Variants in TMEM182 observed in about 807,000 individuals in gnomAD.
The protein encoded by TMEM182 is transmembrane protein 182.
Under a neutral mutation model 26.8 loss-of-function variants are expected in TMEM182, and 20 were observed. The ratio of observed to expected loss-of-function variants is 0.75; its 90% confidence interval spans 0.53 to 1.09. The LOEUF is 1.09. TMEM182 is among the 50% of genes least tolerant of loss of function. The probability of loss-of-function intolerance (pLI) is 0.00; values close to 1 mark genes in which losing one functional copy is unlikely to be tolerated. For missense variants in TMEM182, 277 were observed against 275.5 expected, an observed-to-expected ratio of 1.01 and a Z score of -0.04; for synonymous variants, 109 against 102.2, an observed-to-expected ratio of 1.07 and a Z score of -0.40.
chr2:102,822,801 G>T (rs1402775675), intron 3 of TMEM182, among the ~76,000 whole-genome samples: 5 of 152,154 alleles, frequency 3.3e-5, no homozygotes, highest in East Asian at 3.9e-4. Context: ...GCCAGCGTAT[G>T]TGTGGAGGGA....
intron 1 of TMEM182, among the ~76,000 whole-genome samples, chr2:102,743,239 AT>A (rs1373251935): frequency 2.6e-5 from 4 of 152,220 alleles, no homozygotes; most frequent in Non-Finnish European, 2.9e-5. Context: ...TTGTAAATGT[AT>A]ATCGCAAACT....
chr2:102,812,908 G>A (rs892262547), intron 4 of TMEM182, among the ~76,000 whole-genome samples: 1 of 152,200 alleles, frequency 6.6e-6, no homozygotes, highest in African/African-American at 2.4e-5. Context: ...GCTGGAAAAT[G>A]TATTGAAATG....
downstream of TMEM182, among the ~76,000 whole-genome samples, chr2:102,819,406 A>G (rs1682861754): frequency 6.6e-6 from 1 of 152,206 alleles, no homozygotes; most frequent in Non-Finnish European, 1.5e-5. Flanking sequence ...AATTTTTCTC[A>G]AAAACTTTTG....
chr2:102,827,902 C>T (rs1683066314), intron 3 of TMEM182, among the ~76,000 whole-genome samples: 2 of 152,102 alleles, frequency 1.3e-5, no homozygotes, highest in African/African-American at 4.8e-5. Context: ...GCCCGCCTGG[C>T]CAACATGGTG....
At chr2:102,763,908 G>T (rs1316243894) in intron 2 of TMEM182, among the ~76,000 whole-genome samples, 1 of 152,130 alleles carries the variant, frequency 6.6e-6, no homozygotes, top group African/African-American at 2.4e-5. Context: ...AATGGATATA[G>T]AAGAATTTTT....
chr2:102,748,437 T>C (rs1679779748), intron 1 of TMEM182, among the ~76,000 whole-genome samples: 1 of 152,222 alleles, frequency 6.6e-6, no homozygotes, highest in African/African-American at 2.4e-5. Context: ...AAAGATAATT[T>C]AGACATACTC....
chr2:102,771,246 G>A (rs562286339), intron 3 of TMEM182, among the ~76,000 whole-genome samples: 3 of 152,170 alleles, frequency 2.0e-5, no homozygotes, highest in Non-Finnish European at 4.4e-5. Flanking sequence ...AACTTAATTT[G>A]CTGGTATTCG....
upstream of TMEM182, among the ~76,000 whole-genome samples, chr2:102,760,472 C>T (rs1326700925): frequency 6.6e-6 from 1 of 152,100 alleles, no homozygotes; most frequent in African/African-American, 2.4e-5. Context: ...AATGTCATAG[C>T]TTGATGGTGT....
chr2:102,836,873 G>A (rs1057239440), intron 3 of TMEM182, among the ~76,000 whole-genome samples: 1 of 152,156 alleles, frequency 6.6e-6, no homozygotes, highest in Admixed American at 6.5e-5. Flanking sequence ...CCTTATACTG[G>A]GAATCCTGAT....
intron 3 of TMEM182, among the ~76,000 whole-genome samples, chr2:102,793,267 A>G (rs1681726196): frequency 6.6e-6 from 1 of 152,064 alleles, no homozygotes; most frequent in Non-Finnish European, 1.5e-5. Flanking sequence ...CCATTTACTG[A>G]TGTTTTAGGT....
At position 102,784,671 on chromosome 2, in the gene TMEM182, T is replaced by C. The variant is rs543586588; in HGVS notation, c.332-13192T>C. Among the ~76,000 whole-genome samples the C allele has an allele frequency of 3.3e-5, 5 of 152,376 alleles. No individual in the cohort carries two copies. In the South Asian group the frequency reaches 1.0e-3, roughly 32 times the overall value. On this transcript the variant is annotated intron_variant, in intron 3 of 4. Coordinates refer to ENST00000412401, the MANE Select transcript of TMEM182 (RefSeq NM_144632.5). The stretch of plus-strand genomic sequence containing the variant: ...TAGACAGAGCAGCCCTTAGGGCTGC[T>C]GGTTGTCCATTTTTATGGTTATTTC...
Position 102,815,550 on chromosome 2 carries a change from T to C in TMEM182, c.*582T>C, listed in dbSNP as rs2104759856. On this transcript the variant is annotated 3_prime_UTR_variant, in exon 5 of 5. Transcript: ENST00000412401. ...AACAAACAAGACTGAGAGCATGTAC[T>C]TATCTTGCTTTTTCACCAACAGTGG... 1 of 985,508 alleles carries C rather than the reference T, an allele frequency of 1.0e-6. No individual in the cohort carries two copies. Among genetic ancestry groups the C allele is most frequent in the East Asian group, 1.1e-4 (1 of 8,820 alleles). 61.0% of individuals were successfully genotyped at this position (985,508 alleles called of 1,614,324 possible).
At position 102,815,295 on chromosome 2, in the gene TMEM182, C is replaced by A; in HGVS notation, c.*327C>A. 9.8e-7 allele frequency: 1 copy of A among 1,023,166 alleles called. No homozygotes were observed. The allele number at this position is 1,023,166 out of a possible 1,614,324, so 63.4% of individuals were successfully genotyped here. A position where few individuals can be genotyped will look rare whatever the true frequency, so the allele number is the denominator to read the frequency against. Reference sequence around the variant, plus strand: ...TAATACCATGACATGGGGAAAATCTCGATAGATTTGGCTTAAAGTCTCCTT... The same window carrying A: ...TAATACCATGACATGGGGAAAATCTAGATAGATTTGGCTTAAAGTCTCCTT... On this transcript the variant is annotated 3_prime_UTR_variant, in exon 5 of 5. Transcript: ENST00000412401.
In TMEM182 at chr2:102,755,062, G is replaced by A. The variant is rs367618439; in HGVS notation, c.-82-3327G>A. Among the ~76,000 whole-genome samples, 43 of 152,214 alleles carry A rather than the reference G, an allele frequency of 2.8e-4. No homozygotes were observed. The South Asian group carries it at 8.1e-3, about 29-fold the overall frequency. On this transcript the variant is annotated intron_variant, in intron 1 of 5. Coordinates refer to the TMEM182 transcript ENST00000409173. ...TTTTGTAATTTAAGAAACAAACTTA[G>A]AACATTTTCACTGCAATTTCTCTAA... is the stretch of plus-strand genomic sequence containing the variant.
At chr2:102,787,417 A>C (rs1190184931) in intron 3 of TMEM182, among the ~76,000 whole-genome samples, 1 of 152,178 alleles carries the variant, frequency 6.6e-6, no homozygotes, top group Non-Finnish European at 1.5e-5. Flanking sequence ...CACTAATCCC[A>C]TCATGAGGAC....
chr2:102,820,317 T>C (rs908638434), downstream of TMEM182, among the ~76,000 whole-genome samples: 7 of 152,226 alleles, frequency 4.6e-5, no homozygotes, highest in African/African-American at 1.7e-4. Flanking sequence ...AAACAGTAAT[T>C]GCATACATGC....
Position 102,762,759 on chromosome 2 carries a change from T to G in TMEM182, c.232+73T>G, listed in dbSNP as rs183362403. On this transcript the variant is annotated intron_variant, in intron 2 of 4. Coordinates refer to ENST00000412401, the MANE Select transcript of TMEM182 (RefSeq NM_144632.5). ...TGAACAGTTTCTTACATAGTATATG[T>G]CACTTCTAGCGGACTGGATTGTGAG... The G allele has an allele frequency of 3.9e-6, 5 of 1,276,498 alleles. No homozygotes were observed. The Admixed American group carries it at 7.6e-5, about 19-fold the overall frequency. The allele number at this position is 1,276,498 out of a possible 1,614,324, so 79.1% of individuals were successfully genotyped here. A position where few individuals can be genotyped will look rare whatever the true frequency, so the allele number is the denominator to read the frequency against.
intron 3 of TMEM182, among the ~76,000 whole-genome samples, chr2:102,770,606 A>G (rs1680632547): frequency 6.6e-6 from 1 of 152,132 alleles, no homozygotes; most frequent in Non-Finnish European, 1.5e-5. Flanking sequence ...CTCTTCTCAC[A>G]GGAAGAGAGG....
chr2:102,809,237 G>C (rs961375831), intron 4 of TMEM182, among the ~76,000 whole-genome samples: 17 of 152,314 alleles, frequency 1.1e-4, no homozygotes, highest in African/African-American at 3.8e-4. Context: ...GTAGGGGTAT[G>C]GTCAGTCAGG....
Sources: gnomAD v4.1 joint callset for allele counts (sites outside exome capture counted in the v4.1 genomes callset) on GRCh38, gnomAD v4.1.1 for gene constraint, MANE v1.5 for transcripts, NCBI Gene and HGNC (gene_info 2026-07-23, HGNC 2026-07-21) for gene names.